CSTPP1: variants seen among roughly 807,000 people sequenced by gnomAD.
CSTPP1 encodes the protein centriolar satellite-associated tubulin polyglutamylase complex regulator 1, also known as UPF0705 protein C11orf49.
chr11:47,052,396 G>A, the CSTPP1 span: 3 of 1,613,650 alleles, frequency 1.9e-6, no homozygotes, highest in South Asian at 1.1e-5. Context: ...AGTTTTAACA[G>A]TGTATGCCAG....
the CSTPP1 span, among the ~76,000 whole-genome samples, chr11:47,060,386 T>C: frequency 6.8e-6 from 1 of 146,744 alleles, no homozygotes; most frequent in Admixed American, 6.9e-5. Flanking sequence ...TACAAGCACA[T>C]ACCACCACAC....
At chr11:47,144,188 TC>T in the CSTPP1 span, among the ~76,000 whole-genome samples, 5 of 152,144 alleles carry the variant, frequency 3.3e-5, no homozygotes, top group Non-Finnish European at 7.3e-5. Context: ...AGACATTAAA[TC>T]AGTAATAATT....
the CSTPP1 span, among the ~76,000 whole-genome samples, chr11:47,129,592 G>A: frequency 2.8e-4 from 42 of 152,216 alleles, no homozygotes; most frequent in African/African-American, 8.2e-4. Flanking sequence ...TGGCCCCATC[G>A]TGATGAACAG....
chr11:47,079,040 G>A, the CSTPP1 span, among the ~76,000 whole-genome samples: 1 of 152,104 alleles, frequency 6.6e-6, no homozygotes, highest in Non-Finnish European at 1.5e-5. Context: ...ACATTCCAGG[G>A]TTCAAAAACT....
At chr11:47,085,695 G>A in the CSTPP1 span, among the ~76,000 whole-genome samples, 2 of 152,056 alleles carry the variant, frequency 1.3e-5, no homozygotes, top group East Asian at 3.9e-4. Flanking sequence ...TTCGAGACCA[G>A]CCTGGCTAAC....
chr11:46,947,004 T>C, the CSTPP1 span, among the ~76,000 whole-genome samples: 2 of 152,182 alleles, frequency 1.3e-5, no homozygotes, highest in African/African-American at 4.8e-5. Flanking sequence ...ACTATGTTTT[T>C]CCCCCCTTCC....
chr11:47,030,849 A>G, the CSTPP1 span, among the ~76,000 whole-genome samples: 32 of 152,294 alleles, frequency 2.1e-4, no homozygotes, highest in Admixed American at 1.3e-4. Flanking sequence ...AGAGGACATG[A>G]TCTCATTCTT....
At chr11:46,996,393 T>C in the CSTPP1 span, among the ~76,000 whole-genome samples, 1 of 151,906 alleles carries the variant, frequency 6.6e-6, no homozygotes, top group Non-Finnish European at 1.5e-5. Flanking sequence ...AAGCTCCGCC[T>C]CCCGGGTTCA....
chr11:47,160,799 A>C, the CSTPP1 span: 1 of 357,082 alleles, frequency 2.8e-6, no homozygotes, highest in Non-Finnish European at 5.2e-6. Context: ...TTTTCAGCCC[A>C]GTACCTGAGG....
the CSTPP1 span, among the ~76,000 whole-genome samples, chr11:47,098,507 CTTTT>C: frequency 7.3e-6 from 1 of 137,438 alleles, no homozygotes; most frequent in Non-Finnish European, 1.6e-5. Context: ...TTTCTTTTTT[CTTTT>C]TTTTTTTTTT....
the CSTPP1 span, among the ~76,000 whole-genome samples, chr11:47,150,639 G>A: frequency 6.6e-6 from 1 of 152,136 alleles, no homozygotes. Context: ...GGAGATATCC[G>A]GTAGGTGAGG....
At chr11:47,134,919 G>T in the CSTPP1 span, among the ~76,000 whole-genome samples, 1 of 152,084 alleles carries the variant, frequency 6.6e-6, no homozygotes, top group Non-Finnish European at 1.5e-5. Context: ...GACTAGCCTG[G>T]GTGACGGCAC....
chr11:47,098,511 T>C, the CSTPP1 span, among the ~76,000 whole-genome samples: 1 of 149,898 alleles, frequency 6.7e-6, no homozygotes, highest in Non-Finnish European at 1.5e-5. Context: ...TTTTTTCTTT[T>C]TTTTTTTTTT....
the CSTPP1 span, chr11:47,052,237 G>A: frequency 1.0e-6 from 1 of 975,548 alleles, no homozygotes; most frequent in Non-Finnish European, 1.5e-6. Flanking sequence ...CTTCCCCATA[G>A]AAGGACTAGG....
At chr11:46,953,058 G>A in the CSTPP1 span, among the ~76,000 whole-genome samples, 17 of 152,120 alleles carry the variant, frequency 1.1e-4, no homozygotes, top group African/African-American at 4.1e-4. Context: ...CTGGGGACGT[G>A]GGGGTGGAGA....
At chr11:46,979,636 G>A in the CSTPP1 span, among the ~76,000 whole-genome samples, 1 of 152,044 alleles carries the variant, frequency 6.6e-6, no homozygotes, top group Admixed American at 6.6e-5. Flanking sequence ...AAAAAAAAAG[G>A]ACGCGGTGGC....
the CSTPP1 span, among the ~76,000 whole-genome samples, chr11:46,983,319 T>C: frequency 6.6e-6 from 1 of 152,192 alleles, no homozygotes; most frequent in Non-Finnish European, 1.5e-5. Context: ...TCATATAGTG[T>C]TTACTTACAT....
At chr11:47,132,340 C>CA in the CSTPP1 span, among the ~76,000 whole-genome samples, 2 of 152,146 alleles carry the variant, frequency 1.3e-5, no homozygotes, top group Non-Finnish European at 2.9e-5. Flanking sequence ...TGCAATGCAC[C>CA]AGGCATTGTG....
chr11:47,010,282 G>C, the CSTPP1 span, among the ~76,000 whole-genome samples: 4 of 152,202 alleles, frequency 2.6e-5, no homozygotes, highest in African/African-American at 4.8e-5. Context: ...ATCATGTTGA[G>C]AAATGAAATT....
Sources: allele counts gnomAD v4.1 joint callset (sites outside exome capture counted in the v4.1 genomes callset), GRCh38; gene constraint gnomAD v4.1.1; transcripts MANE v1.5; gene names NCBI Gene and HGNC (gene_info 2026-07-23, HGNC 2026-07-21).